TRAPPC10: variants seen among roughly 807,000 people sequenced by gnomAD.
The protein encoded by TRAPPC10 is TRAPP 130 kDa subunit.
Under a neutral mutation model 125.5 loss-of-function variants are expected in TRAPPC10, and 23 were observed. That is an observed-to-expected ratio of 0.18 (90% CI 0.13 to 0.26). The LOEUF is 0.26. Ranked by LOEUF, TRAPPC10 falls within the 10% of genes least tolerant of loss-of-function variation. The pLI is 1.00. For synonymous variants in TRAPPC10, 509 were observed against 518.0 expected (o/e 0.98, Z 0.24); for missense variants, 1,123 against 1,308.4 (o/e 0.86, Z 2.19).
intron 11 of TRAPPC10, among the ~76,000 whole-genome samples, chr21:44,078,001 G>T (rs956060374): frequency 6.6e-6 from 1 of 151,916 alleles, no homozygotes; most frequent in African/African-American, 2.4e-5. Flanking sequence ...GGTCTTTGAG[G>T]TTCTTTTATT....
In TRAPPC10 at chr21:44,063,868, C is replaced by T. The variant is rs1904704309; in HGVS notation, c.1038+83C>T. On this transcript the variant is annotated intron_variant, in intron 7 of 22. Transcript: ENST00000291574. The surrounding 1 kb of genome is among the most constrained non-coding windows in gnomAD (Gnocchi z 4.4). ...GAACCTTGAGATCCCAGGCATTGAA[C>T]TGTTTGTGCTTAAGAAAGGGTTTTC... 4.0e-5 allele frequency: 60 copies of T among 1,513,010 alleles called. No individual in the cohort carries two copies. In the South Asian group the frequency reaches 7.7e-4, roughly 19 times the overall value. 93.7% of individuals were successfully genotyped at this position (1,513,010 alleles called of 1,614,324 possible). A position where few individuals can be genotyped will look rare whatever the true frequency, so the allele number is the denominator to read the frequency against.
chr21:44,051,966 C>G (rs1284673306), intron 3 of TRAPPC10, among the ~76,000 whole-genome samples: 1 of 152,210 alleles, frequency 6.6e-6, no homozygotes, highest in Non-Finnish European at 1.5e-5. Flanking sequence ...CCTGACTTGC[C>G]TAACAGACAG....
intron 13 of TRAPPC10, 141 bp downstream of exon 13, chr21:44,080,268 C>T (rs2037597806): frequency 4.2e-6 from 3 of 715,424 alleles, no homozygotes; most frequent in African/African-American, 1.8e-5. Context: ...TGTCTTTCAC[C>T]TGACTTTTTT....
rs1343494159 is a variant in TRAPPC10, at chr21:44,082,091, C to T, written c.1724-697C>T. On this transcript the variant is annotated intron_variant, in intron 13 of 22. Coordinates refer to ENST00000291574, the MANE Select transcript of TRAPPC10 (RefSeq NM_003274.5). This position sits in a 1 kb window ranked among gnomAD's most constrained non-coding sequence, Gnocchi z 4.4. ...GAATAAAATATTCCACAATCGTTTA[C>T]TGTTTCTCATGATCTATGGCATCAG... 6.6e-6 allele frequency among the ~76,000 whole-genome samples: 1 copy of T among 152,188 alleles called. No individual in the cohort carries two copies. The highest frequency in any genetic ancestry group is 1.5e-5 in the Non-Finnish European group (1 of 68,036).
chr21:44,073,194 C>T (rs1208172516), intron 7 of TRAPPC10, among the ~76,000 whole-genome samples: 2 of 152,112 alleles, frequency 1.3e-5, no homozygotes, highest in Non-Finnish European at 2.9e-5. Context: ...TTTATGGGAA[C>T]ATTTGATGGC....
At position 44,087,705 on chromosome 21, in the gene TRAPPC10, C is replaced by A; in HGVS notation, c.2546C>A (p.Ser849Tyr). The A allele has an allele frequency of 6.2e-7, 1 of 1,613,446 alleles. No homozygotes were observed. The highest frequency in any genetic ancestry group is 8.5e-7 in the Non-Finnish European group (1 of 1,180,014). The change falls in exon 17 of 23, where the codon TCT (serine) becomes TAT (tyrosine). Residue 849 changes from serine to tyrosine, a missense_variant. By Grantham distance (144) the Ser-to-Tyr change is moderately radical. Transcript: ENST00000291574. The surrounding 1 kb of genome is among the most constrained non-coding windows in gnomAD (Gnocchi z 4.6). The stretch of plus-strand genomic sequence containing the variant: ...CTTTTTCTGTCCTTCGTAGAACAGT[C>A]TTCTGAGGCCGCGCTCCGGATTCAG... ...AVVYSNTREQ[S>Y]SEAALRIQSS...
chr21:44,047,958 T>G (rs879189687), intron 3 of TRAPPC10, among the ~76,000 whole-genome samples: 1 of 152,176 alleles, frequency 6.6e-6, no homozygotes, highest in Non-Finnish European at 1.5e-5. Flanking sequence ...CTTTATGATT[T>G]GATAGGTCTG....
At chr21:44,056,485 A>G (rs1464658394) in intron 5 of TRAPPC10, among the ~76,000 whole-genome samples, 1 of 152,218 alleles carries the variant, frequency 6.6e-6, no homozygotes, top group East Asian at 1.9e-4. Context: ...GAAACCAGGT[A>G]CATACCACCT....
intron 17 of TRAPPC10, chr21:44,088,618 A>C (rs541313414): frequency 1.6e-3 from 245 of 155,356 alleles, no homozygotes; most frequent in Middle Eastern, 3.4e-3. Context: ...TCAGCTTTTG[A>C]AGAACCTGAG....
At chr21:44,041,229 TG>T (rs1447463005) in intron 3 of TRAPPC10, among the ~76,000 whole-genome samples, 1 of 152,206 alleles carries the variant, frequency 6.6e-6, no homozygotes, top group African/African-American at 2.4e-5. Context: ...GGAAACTAGC[TG>T]GGCCAGGTAC....
intron 2 of TRAPPC10, 88 bp downstream of exon 2, chr21:44,032,260 C>G: frequency 9.4e-7 from 1 of 1,063,762 alleles, no homozygotes; most frequent in Non-Finnish European, 1.4e-6. Context: ...GTTGTTTAGA[C>G]ATTTATGTGA....
intron 3 of TRAPPC10, among the ~76,000 whole-genome samples, chr21:44,049,875 TTTC>T (rs1330298955): frequency 7.3e-5 from 9 of 123,980 alleles, no homozygotes; most frequent in African/African-American, 4.3e-4. Context: ...GTTTTCTTTC[TTTC>T]TTTTTTTTTT....
At chr21:44,091,008 T>G (rs145312368) in intron 18 of TRAPPC10, among the ~76,000 whole-genome samples, 2 of 151,708 alleles carry the variant, frequency 1.3e-5, no homozygotes, top group African/African-American at 4.8e-5. Flanking sequence ...CTGACCAACA[T>G]AGTGAAACCC....
chr21:44,025,939 T>C (rs574982412), intron 1 of TRAPPC10, among the ~76,000 whole-genome samples: 4 of 151,466 alleles, frequency 2.6e-5, no homozygotes, highest in Non-Finnish European at 5.9e-5. Flanking sequence ...TGAATGGGTA[T>C]AACGTTAAGC....
intron 13 of TRAPPC10, among the ~76,000 whole-genome samples, chr21:44,081,707 C>T (rs1020282414): frequency 2.0e-5 from 3 of 152,046 alleles, no homozygotes; most frequent in Non-Finnish European, 4.4e-5. Flanking sequence ...GGCAACATGG[C>T]GAAACCCTGT....
At chr21:44,036,223 C>CAGA (rs1271010369) in intron 2 of TRAPPC10, among the ~76,000 whole-genome samples, 1 of 152,164 alleles carries the variant, frequency 6.6e-6, no homozygotes, top group African/African-American at 2.4e-5. Context: ...AGAAGAAGAA[C>CAGA]CAAGTAGACA....
chr21:44,029,911 A>C (rs905438482), intron 1 of TRAPPC10, among the ~76,000 whole-genome samples: 3 of 152,224 alleles, frequency 2.0e-5, no homozygotes, highest in Non-Finnish European at 2.9e-5. Flanking sequence ...TTTGTGGGAC[A>C]CAGTTCAGCC....
At position 44,063,396 on chromosome 21, in the gene TRAPPC10, C is replaced by T; in HGVS notation, c.791-142C>T. 1 of 1,325,322 alleles carries T rather than the reference C, an allele frequency of 7.5e-7. No individual in the cohort carries two copies. Among genetic ancestry groups the T allele is most frequent in the Non-Finnish European group, 1.0e-6 (1 of 967,804 alleles). 82.1% of individuals were successfully genotyped at this position (1,325,322 alleles called of 1,614,324 possible). ...TCAGTGCTGGGAGCCGAATGCATCACTAGACCACAGGGGGTGGGCCAGTGT... is the reference window on the plus strand; with the variant it reads ...TCAGTGCTGGGAGCCGAATGCATCATTAGACCACAGGGGGTGGGCCAGTGT... On this transcript the variant is annotated intron_variant, in intron 6 of 22. Coordinates refer to ENST00000291574, the MANE Select transcript of TRAPPC10 (RefSeq NM_003274.5). This position sits in a 1 kb window ranked among gnomAD's most constrained non-coding sequence, Gnocchi z 4.4.
rs1429660750 is a variant in TRAPPC10, at chr21:44,059,499, C to A, written c.790+285C>A. 2 of 757,026 alleles carry A rather than the reference C, an allele frequency of 2.6e-6. No individual in the cohort carries two copies. Among genetic ancestry groups the A allele is most frequent in the Non-Finnish European group, 4.9e-6 (2 of 405,378 alleles). The allele number at this position is 757,026 out of a possible 1,614,324, so 46.9% of individuals were successfully genotyped here. A position where few individuals can be genotyped will look rare whatever the true frequency, so the allele number is the denominator to read the frequency against. On this transcript the variant is annotated intron_variant, in intron 6 of 22. Transcript: ENST00000291574. This position sits in a 1 kb window ranked among gnomAD's most constrained non-coding sequence, Gnocchi z 4.4. ...GTCCTTTCCACAACTCAGTGGCCTGCTGGTGATGCTTCGATTCTGTCCCTC... is the reference window on the plus strand; with the variant it reads ...GTCCTTTCCACAACTCAGTGGCCTGATGGTGATGCTTCGATTCTGTCCCTC...
Sources: gnomAD v4.1 joint callset for allele counts (sites outside exome capture counted in the v4.1 genomes callset) on GRCh38, gnomAD v4.1.1 for gene constraint, Gnocchi (gnomAD v3.1) non-coding constraint, MANE v1.5 for transcripts, NCBI Gene and HGNC (gene_info 2026-07-23, HGNC 2026-07-21) for gene names.